HERC4: variants seen among roughly 807,000 people sequenced by gnomAD.
HERC4 encodes probable E3 ubiquitin-protein ligase HERC4.
Under a neutral mutation model 124.3 loss-of-function variants are expected in HERC4, and 28 were observed. The ratio of observed to expected loss-of-function variants is 0.23; its 90% CI spans 0.17 to 0.31. HERC4 has a LOEUF of 0.31. Among genes scored for constraint, HERC4 ranks in the 10% least tolerant of loss-of-function variants. The pLI, the probability that HERC4 is intolerant of heterozygous loss-of-function variation, is 1.00. For synonymous variants in HERC4, 407 were observed against 421.5 expected (o/e 0.97, Z 0.42); for missense variants, 713 against 1,229.3 (o/e 0.58, Z 6.28).
In HERC4 at chr10:68,033,968, T is replaced by G; in HGVS notation, c.682A>C (p.Asn228His). The G allele has an allele frequency of 6.2e-7, 1 of 1,612,818 alleles. No individual in the cohort carries two copies. Among genetic ancestry groups the G allele is most frequent in the Non-Finnish European group, 8.5e-7 (1 of 1,178,870 alleles). Reference sequence around the variant, plus strand: ...ACTATACATAATGAGAACCTACCATTTTCATCATTAAGACCTAGCTGACCA... The same window carrying G: ...ACTATACATAATGAGAACCTACCATGTTCATCATTAAGACCTAGCTGACCA... ...KFGQLGLNDENDRYVPNLLKS... is the reference protein window; with the variant it reads ...KFGQLGLNDEHDRYVPNLLKS... The change falls in exon 6 of 25, where the codon AAT becomes CAT. Residue 228 changes from asparagine (N) to histidine (H), a missense_variant. Physicochemically the swap from Asn to His is moderately conservative, Grantham distance 68 (BLOSUM62 1). Coordinates refer to ENST00000373700, the MANE Select transcript of HERC4 (RefSeq NM_015601.4).
At chr10:67,998,520 C>T (rs954324429) in intron 9 of HERC4, among the ~76,000 whole-genome samples, 5 of 141,864 alleles carry the variant, frequency 3.5e-5, no homozygotes, top group African/African-American at 1.3e-4. Context: ...GCATTACAGC[C>T]TGTGCAAAAG....
chr10:67,927,411 TATATATATATATATATATA>T (rs1416457144), intron 23 of HERC4, among the ~76,000 whole-genome samples: 192 of 13,364 alleles, frequency 0.014, 6 homozygotes, highest in African/African-American at 0.025. Context: ...TATATATATA[TATATATATATATATATATA>T]TTTTTTTTTT....
At chr10:67,935,553 T>C (rs889869581) in intron 22 of HERC4, among the ~76,000 whole-genome samples, 2 of 152,136 alleles carry the variant, frequency 1.3e-5, no homozygotes, top group Non-Finnish European at 2.9e-5. Flanking sequence ...TCTCCCTGTT[T>C]TCAGTTCAGC....
intron 3 of HERC4, among the ~76,000 whole-genome samples, chr10:68,059,627 TATC>T (rs1160625812): frequency 3.2e-5 from 3 of 93,026 alleles, no homozygotes; most frequent in Middle Eastern, 5.6e-3. Flanking sequence ...TAATATTATA[TATC>T]ATAATATTAT....
chr10:68,050,164 C>T (rs1248617458), intron 3 of HERC4, among the ~76,000 whole-genome samples: 1 of 152,166 alleles, frequency 6.6e-6, no homozygotes, highest in Admixed American at 6.5e-5. Flanking sequence ...TGCACTCCAG[C>T]CTGGGCAACC....
At chr10:67,996,749 C>T (rs1648613083) in intron 9 of HERC4, among the ~76,000 whole-genome samples, 1 of 151,796 alleles carries the variant, frequency 6.6e-6, no homozygotes, top group South Asian at 2.1e-4. Context: ...CTTTGGGAGG[C>T]CAAGGTGGGT....
At chr10:68,057,112 T>C (rs945433378) in intron 3 of HERC4, among the ~76,000 whole-genome samples, 5 of 152,194 alleles carry the variant, frequency 3.3e-5, no homozygotes, top group Non-Finnish European at 5.9e-5. Context: ...CCATGTAATA[T>C]ATATATATAT....
In HERC4 at chr10:67,927,403, TATATATATATATATATATATA is replaced by T. The variant is rs1564910583; in HGVS notation, c.2839-2237_2839-2217del. Reference sequence around the variant, plus strand: ...CCATATATATATATATATATATATATATATATATATATATATATATATATATATTTTTTTTTTTTTTTAGAT... The same window carrying T: ...CCATATATATATATATATATATATATTATATATTTTTTTTTTTTTTTAGAT... On this transcript the variant is annotated intron_variant, in intron 23 of 24. Transcript: ENST00000373700. Among the ~76,000 whole-genome samples, 46 of 20,696 alleles carry T rather than the reference TATATATATATATATATATATA, an allele frequency of 2.2e-3. 3 individuals carry two copies. The highest frequency in any genetic ancestry group is 3.0e-3 in the African/African-American group (37 of 12,404). 13.6% of individuals were successfully genotyped at this position (20,696 alleles called of 152,430 possible).
At chr10:68,029,841 C>T (rs1456614613) in intron 7 of HERC4, among the ~76,000 whole-genome samples, 2 of 151,114 alleles carry the variant, frequency 1.3e-5, no homozygotes, top group South Asian at 2.1e-4. Flanking sequence ...CAGGTTCAAG[C>T]GATTCTCCTG....
intron 16 of HERC4, among the ~76,000 whole-genome samples, chr10:67,959,643 A>C (rs1022223772): frequency 2.6e-5 from 4 of 152,222 alleles, no homozygotes; most frequent in Non-Finnish European, 5.9e-5. Flanking sequence ...CAGAAAAAAA[A>C]ACAGTAAAAC....
At chr10:67,982,637 A>T (rs2035999973) in intron 15 of HERC4, among the ~76,000 whole-genome samples, 1 of 152,214 alleles carries the variant, frequency 6.6e-6, no homozygotes, top group South Asian at 2.1e-4. Flanking sequence ...ACATTAAATT[A>T]AAAAACTTCT....
intron 9 of HERC4, among the ~76,000 whole-genome samples, chr10:67,995,837 T>C (rs2132846284): frequency 1.3e-5 from 2 of 152,344 alleles, no homozygotes; most frequent in South Asian, 2.1e-4. Context: ...TTAGTGCATA[T>C]TGTGACATTA....
At chr10:68,028,430 T>C (rs1245295684) in intron 7 of HERC4, among the ~76,000 whole-genome samples, 1 of 152,176 alleles carries the variant, frequency 6.6e-6, no homozygotes, top group Non-Finnish European at 1.5e-5. Flanking sequence ...CTCCTTCAAG[T>C]TGTTCTTCTG....
At chr10:67,965,816 G>C (rs1241279008) in intron 16 of HERC4, 1 of 139,782 alleles carries the variant, frequency 7.2e-6, no homozygotes, top group Non-Finnish European at 1.6e-5. Flanking sequence ...CAGAAAAGTG[G>C]GCCTCAAGTA....
intron 9 of HERC4, among the ~76,000 whole-genome samples, chr10:67,996,709 G>A (rs1366973287): frequency 1.3e-5 from 2 of 152,102 alleles, no homozygotes; most frequent in Non-Finnish European, 2.9e-5. Context: ...GACTGGCCAG[G>A]CGCGGTGGCT....
chr10:68,042,051 C>T (rs1192826263), intron 4 of HERC4, among the ~76,000 whole-genome samples: 1 of 152,138 alleles, frequency 6.6e-6, no homozygotes, highest in Non-Finnish European at 1.5e-5. Context: ...GAGTCTCGCT[C>T]TGTCGCTTAG....
At position 67,992,540 on chromosome 10, in the gene HERC4, A is replaced by G; in HGVS notation, c.1146+66T>C. 9.1e-6 allele frequency: 10 copies of G among 1,104,628 alleles called. No individual in the cohort carries two copies. In the South Asian group the frequency reaches 1.2e-4, roughly 13 times the overall value. The allele number at this position is 1,104,628 out of a possible 1,614,324, so 68.4% of individuals were successfully genotyped here. On this transcript the variant is annotated intron_variant, in intron 10 of 24. Transcript: ENST00000373700. ...TTTGTAACATATAAAGAACATTAAT[A>G]ATGGGTTTTTAAAATTTGTCAAAAT...
chr10:67,947,471 G>C (rs1311574106), intron 19 of HERC4, among the ~76,000 whole-genome samples: 1 of 152,154 alleles, frequency 6.6e-6, no homozygotes, highest in African/African-American at 2.4e-5. Context: ...AAAGCTGACA[G>C]AATCAAAGCG....
At chr10:67,945,970 T>A (rs4746723) in intron 19 of HERC4, among the ~76,000 whole-genome samples, 12,870 of 151,960 alleles carry the variant, frequency 0.085, 1,010 homozygotes, top group East Asian at 0.4. Flanking sequence ...CATTTAAAAA[T>A]GGCAGGAATA....
Sources: gnomAD v4.1 joint callset for allele counts (sites outside exome capture counted in the v4.1 genomes callset) on GRCh38, gnomAD v4.1.1 for gene constraint, MANE v1.5 for transcripts, NCBI Gene and HGNC (gene_info 2026-07-23, HGNC 2026-07-21) for gene names.